The following MAP4K5 variants were observed in gnomAD, a reference collection of about 807,000 sequenced individuals.
The protein encoded by MAP4K5 is mitogen-activated protein kinase kinase kinase kinase 5, also known as MAPK/ERK kinase kinase kinase 5.
In MAP4K5, 82 loss-of-function variants were observed where a neutral mutation model predicts 135.6. The observed-to-expected ratio is 0.60, with a 90% CI of 0.51 to 0.73. The LOEUF is 0.73. Ranked by LOEUF, MAP4K5 falls within the 30% of genes least tolerant of loss-of-function variation. The pLI is 0.00. For synonymous variants in MAP4K5, 347 were observed against 335.0 expected (o/e 1.04, Z -0.39); for missense variants, 907 against 1,010.9 (o/e 0.90, Z 1.39).
chr14:50,546,714 G>A (rs1442916644), intron 1 of MAP4K5, among the ~76,000 whole-genome samples: 1 of 152,108 alleles, frequency 6.6e-6, no homozygotes, highest in African/African-American at 2.4e-5. Flanking sequence ...TGTAAACCCA[G>A]CCAAAACCAG....
chr14:50,437,680 G>A (rs2036127763), intron 25 of MAP4K5, 146 bp from the exon 26 acceptor site: 3 of 662,396 alleles, frequency 4.5e-6, no homozygotes, highest in Admixed American at 6.0e-5. Context: ...TTATAGGACT[G>A]AGGAAGGGCC....
At chr14:50,561,092 G>A (rs1389415864) in exon 1 of MAP4K5, 3 of 152,504 alleles carry the variant, frequency 2.0e-5, no homozygotes. Context: ...GGAGGGGAAA[G>A]GAGAGGCGAG....
At chr14:50,454,394 A>G (rs2036555709) in intron 14 of MAP4K5, among the ~76,000 whole-genome samples, 1 of 152,138 alleles carries the variant, frequency 6.6e-6, no homozygotes, top group South Asian at 2.1e-4. Flanking sequence ...ATATTTAAAA[A>G]TTTACCCTGG....
chr14:50,507,848 T>C (rs936061385), intron 2 of MAP4K5, among the ~76,000 whole-genome samples: 2 of 152,200 alleles, frequency 1.3e-5, no homozygotes, highest in Non-Finnish European at 2.9e-5. Flanking sequence ...GAGAGTTCTG[T>C]AGATGTCTAT....
intron 26 of MAP4K5, 150 bp downstream of exon 26, chr14:50,437,326 T>C (rs1410347196): frequency 1.5e-6 from 1 of 648,016 alleles, no homozygotes; most frequent in Non-Finnish European, 2.7e-6. Flanking sequence ...TCTGTCTATA[T>C]TCTTGTACTT....
intron 15 of MAP4K5, 30 bp downstream of exon 15, chr14:50,448,719 AAAAAGTTTTCTCAAATCTTAATGTG>A (rs1233397842): frequency 6.0e-5 from 67 of 1,107,562 alleles, no homozygotes; most frequent in African/African-American, 9.5e-5. Flanking sequence ...ACTAACAAAA[AAAAAGTTTTCTCAAATCTTAATGTG>A]AAAATAATGC....
chr14:50,487,767 T>C (rs951880483), intron 3 of MAP4K5, among the ~76,000 whole-genome samples: 1 of 152,148 alleles, frequency 6.6e-6, no homozygotes, highest in Non-Finnish European at 1.5e-5. Context: ...TCTGCCTACC[T>C]AGGTGCAGAG....
At chr14:50,555,114 G>A (rs1345455021) in intron 1 of MAP4K5, among the ~76,000 whole-genome samples, 2 of 152,174 alleles carry the variant, frequency 1.3e-5, no homozygotes, top group African/African-American at 4.8e-5. Context: ...CCCTTAGAGA[G>A]AATGGATATA....
At chr14:50,432,000 T>C (rs1449354350) in intron 28 of MAP4K5, among the ~76,000 whole-genome samples, 1 of 152,186 alleles carries the variant, frequency 6.6e-6, no homozygotes, top group Non-Finnish European at 1.5e-5. Context: ...CTAAAGCTTA[T>C]ACATGGTGAA....
At chr14:50,494,563 TAA>T (rs1231354795) in intron 3 of MAP4K5, among the ~76,000 whole-genome samples, 1 of 151,830 alleles carries the variant, frequency 6.6e-6, no homozygotes, top group East Asian at 1.9e-4. Flanking sequence ...TTTGCAGAAA[TAA>T]AAAAGAATCA....
intron 28 of MAP4K5, among the ~76,000 whole-genome samples, chr14:50,430,205 A>G (rs2035938556): frequency 6.6e-6 from 1 of 152,210 alleles, no homozygotes. Flanking sequence ...CTCCATTAGA[A>G]GTACTTCTTT....
At chr14:50,426,597 G>A (rs527783598) in intron 30 of MAP4K5, among the ~76,000 whole-genome samples, 7 of 152,214 alleles carry the variant, frequency 4.6e-5, no homozygotes, top group African/African-American at 1.4e-4. Flanking sequence ...GGTGGCCTGT[G>A]CCTGTAGCCC....
rs1241307499 is a variant in MAP4K5, at chr14:50,428,643, TG to T, written c.2326+18del. On this transcript the variant is annotated intron_variant, in intron 30 of 32. Transcript: ENST00000682126. ...TCATTAAGTATCGCAAACTGATTTA[TG>T]AAAAAAAGGAAACTTACCTACAGAT... The T allele has an allele frequency of 7.2e-7, 1 of 1,382,684 alleles. No homozygotes were observed. The highest frequency in any genetic ancestry group is 2.8e-5 in the Admixed American group (1 of 35,790). 85.7% of individuals were successfully genotyped at this position (1,382,684 alleles called of 1,614,324 possible).
At position 50,531,997 on chromosome 14, in the gene MAP4K5, T is replaced by A; in HGVS notation, c.53A>T (p.Gln18Leu). The A allele has an allele frequency of 6.2e-7, 1 of 1,601,510 alleles. No homozygotes were observed. Among genetic ancestry groups the A allele is most frequent in the Non-Finnish European group, 8.5e-7 (1 of 1,174,196 alleles). The change falls in exon 2 of 33, where the codon CAG (glutamine) becomes CTG (leucine). Residue 18 changes from glutamine (Q) to leucine (L), a missense_variant. Gln to Leu is a moderately radical substitution (Grantham distance 113). Coordinates refer to ENST00000682126, the MANE Select transcript of MAP4K5 (RefSeq NM_006575.6). ...AADILRRNPQ[Q>L]DYELVQRVGS... is the part of the protein sequence containing the mutation. ...GACCCTCTGGACGAGTTCGTAGTCC[T>A]GCTGCGGGTTCCGCCTCAGGATGTC...
intron 1 of MAP4K5, among the ~76,000 whole-genome samples, chr14:50,545,781 C>T (rs2038623671): frequency 6.6e-6 from 1 of 152,066 alleles, no homozygotes; most frequent in East Asian, 1.9e-4. Context: ...CTTATGTTTC[C>T]AAAAACATGG....
intron 2 of MAP4K5, among the ~76,000 whole-genome samples, chr14:50,509,225 C>T (rs1463783646): frequency 6.6e-6 from 1 of 150,976 alleles, no homozygotes; most frequent in Non-Finnish European, 1.5e-5. Flanking sequence ...CACACAGGGG[C>T]CTGTCATGGG....
chr14:50,545,196 A>AAAGTAGCACAGGT (rs1457703933), intron 1 of MAP4K5, among the ~76,000 whole-genome samples: 2 of 152,204 alleles, frequency 1.3e-5, no homozygotes, highest in African/African-American at 4.8e-5. Flanking sequence ...TTAGAGATGG[A>AAAGTAGCACAGGT]AAGTAGCACA....
At chr14:50,556,889 C>T (rs2038771348) in intron 1 of MAP4K5, among the ~76,000 whole-genome samples, 1 of 152,178 alleles carries the variant, frequency 6.6e-6, no homozygotes, top group African/African-American at 2.4e-5. Flanking sequence ...TTTATCCATT[C>T]ACTAGTTATT....
intron 25 of MAP4K5, 43 bp downstream of exon 25, chr14:50,437,851 A>G: frequency 1.7e-6 from 2 of 1,197,160 alleles, no homozygotes; most frequent in Non-Finnish European, 1.2e-6. Flanking sequence ...TAAAATAAAC[A>G]CTAATTCCCC....
Sources: allele counts gnomAD v4.1 joint callset (sites outside exome capture counted in the v4.1 genomes callset), GRCh38; gene constraint gnomAD v4.1.1; transcripts MANE v1.5; gene names NCBI Gene and HGNC (gene_info 2026-07-23, HGNC 2026-07-21).